The following NGF variants were observed in gnomAD, a reference collection of about 807,000 sequenced individuals.
NGF encodes the protein nerve growth factor.
Under a neutral mutation model 12.8 loss-of-function variants are expected in NGF, and 4 were observed. The ratio of observed to expected loss-of-function variants is 0.31; its 90% CI spans 0.15 to 0.72. The LOEUF is 0.72. Among genes scored for constraint, NGF ranks in the 30% least tolerant of loss-of-function variants. The pLI, the probability that NGF is intolerant of heterozygous loss-of-function variation, is 0.69. For missense variants in NGF, 283 were observed against 330.8 expected, an observed-to-expected ratio of 0.86 and a Z score of 1.12; for synonymous variants, 140 against 130.0, an observed-to-expected ratio of 1.08 and a Z score of -0.52.
At chr1:115,311,084 C>T (rs1654323996) in intron 1 of NGF, among the ~76,000 whole-genome samples, 1 of 152,172 alleles carries the variant, frequency 6.6e-6, no homozygotes. Context: ...TGTCCCAAGC[C>T]ACATAGGCTA....
chr1:115,321,738 G>A (rs970209839), intron 1 of NGF, among the ~76,000 whole-genome samples: 7 of 152,060 alleles, frequency 4.6e-5, no homozygotes, highest in Non-Finnish European at 1.0e-4. Flanking sequence ...AAAAGAATCT[G>A]CCTGACAGCC....
intron 1 of NGF, among the ~76,000 whole-genome samples, chr1:115,308,907 C>T (rs1023667563): frequency 6.6e-5 from 10 of 151,836 alleles, no homozygotes; most frequent in African/African-American, 2.2e-4. Flanking sequence ...TTTCATTCTG[C>T]ATGATATTGG....
chr1:115,288,359 T>TC (rs1228885517), intron 2 of NGF, among the ~76,000 whole-genome samples: 4 of 152,164 alleles, frequency 2.6e-5, no homozygotes, highest in Admixed American at 6.5e-5. Context: ...GCCTTAGCGT[T>TC]CCCATTGATC....
In NGF at chr1:115,314,047, AC is replaced by A. The variant is rs1654405393; in HGVS notation, c.-136-20298del. Among the ~76,000 whole-genome samples the A allele has an allele frequency of 2.6e-5, 4 of 152,236 alleles. No individual in the cohort carries two copies. In the South Asian group the frequency reaches 8.3e-4, roughly 32 times the overall value. ...GGTCCTGAGGGTGGCATGGTGGAAGACCCCAGTCCATTACCTTAAACAAATG... is the reference window on the plus strand; with the variant it reads ...GGTCCTGAGGGTGGCATGGTGGAAGACCCAGTCCATTACCTTAAACAAATG... On this transcript the variant is annotated intron_variant, in intron 1 of 2. Coordinates refer to ENST00000369512, the MANE Select transcript of NGF (RefSeq NM_002506.3).
chr1:115,329,276 G>T (rs554978625), intron 1 of NGF, among the ~76,000 whole-genome samples: 13 of 151,526 alleles, frequency 8.6e-5, no homozygotes, highest in African/African-American at 3.2e-4. Context: ...GTACTTCACA[G>T]ATGTACTTCA....
intron 1 of NGF, among the ~76,000 whole-genome samples, chr1:115,337,722 G>A (rs907383518): frequency 6.6e-6 from 1 of 152,034 alleles, no homozygotes. Flanking sequence ...TGGGGGCCGC[G>A]CAGCACTTTC....
At chr1:115,337,250 T>C (rs1655134778) in intron 1 of NGF, among the ~76,000 whole-genome samples, 1 of 145,014 alleles carries the variant, frequency 6.9e-6, no homozygotes, top group Non-Finnish European at 1.5e-5. Flanking sequence ...TCTCGAAATT[T>C]TTTTTGTTTT....
intron 1 of NGF, among the ~76,000 whole-genome samples, chr1:115,322,124 G>C (rs1259712981): frequency 6.6e-6 from 1 of 152,136 alleles, no homozygotes; most frequent in African/African-American, 2.4e-5. Flanking sequence ...CCTACAATTT[G>C]CTTCTCCCCA....
At chr1:115,312,341 T>G (rs2101041456) in intron 1 of NGF, among the ~76,000 whole-genome samples, 1 of 152,298 alleles carries the variant, frequency 6.6e-6, no homozygotes, top group Middle Eastern at 3.4e-3. Flanking sequence ...CAACCAGTAT[T>G]CATTGGATGA....
chr1:115,291,474 C>T (rs1653693810), intron 2 of NGF, among the ~76,000 whole-genome samples: 1 of 152,188 alleles, frequency 6.6e-6, no homozygotes, highest in Non-Finnish European at 1.5e-5. Context: ...GAATGATCAG[C>T]TGAGGAGGAT....
At position 115,324,616 on chromosome 1, in the gene NGF, T is replaced by C. The variant is rs183651726; in HGVS notation, c.-137+13588A>G. 3.1e-3 allele frequency among the ~76,000 whole-genome samples: 479 copies of C among 152,280 alleles called. 3 individuals carry two copies. The highest frequency in any genetic ancestry group is 5.0e-3 in the Admixed American group (77 of 15,294). On this transcript the variant is annotated intron_variant, in intron 1 of 2. Transcript: ENST00000369512. ...CCCTTCAGCTTGGGTCTCTGTCCTA[T>C]CACAGATTAAAATCCACAGCTGTCT... is the stretch of plus-strand genomic sequence containing the variant.
chr1:115,308,614 A>C (rs1654263075), intron 1 of NGF, among the ~76,000 whole-genome samples: 1 of 152,248 alleles, frequency 6.6e-6, no homozygotes. Flanking sequence ...TGTTCAATTC[A>C]GTATGAATGA....
At chr1:115,323,577 A>G (rs76313589) in intron 1 of NGF, among the ~76,000 whole-genome samples, 4,703 of 152,308 alleles carry the variant, frequency 0.031, 114 homozygotes, top group East Asian at 0.051. Flanking sequence ...GGGAAAATCC[A>G]TATTTCTATG....
intron 1 of NGF, among the ~76,000 whole-genome samples, chr1:115,308,205 G>A (rs1206970621): frequency 1.3e-5 from 2 of 152,218 alleles, no homozygotes; most frequent in East Asian, 3.8e-4. Flanking sequence ...GCTGCAGAGA[G>A]GCTGTCTCAG....
intron 1 of NGF, among the ~76,000 whole-genome samples, chr1:115,294,478 G>T (rs1286891297): frequency 1.3e-5 from 2 of 152,238 alleles, no homozygotes; most frequent in African/African-American, 4.8e-5. Flanking sequence ...CTATGTGCCA[G>T]GCACTGTTTT....
In NGF at chr1:115,286,054, G is replaced by C. The variant is rs1323414238; in HGVS notation, c.*16C>G. 6.2e-7 allele frequency: 1 copy of C among 1,612,276 alleles called. No homozygotes were observed. Among genetic ancestry groups the C allele is most frequent in the East Asian group, 2.2e-5 (1 of 44,840 alleles). On this transcript the variant is annotated 3_prime_UTR_variant, in exon 3 of 3. Transcript: ENST00000369512. ...GAGAGTGTAGAAGGGGCAGGGGGAGGGAGCGTGTCGGCAGGTCAGGCTCTT... is the reference window on the plus strand; with the variant it reads ...GAGAGTGTAGAAGGGGCAGGGGGAGCGAGCGTGTCGGCAGGTCAGGCTCTT...
intron 1 of NGF, among the ~76,000 whole-genome samples, chr1:115,304,150 T>G (rs921285145): frequency 6.6e-6 from 1 of 151,920 alleles, no homozygotes; most frequent in Non-Finnish European, 1.5e-5. Flanking sequence ...CATTTATATA[T>G]AGATAGGTGC....
intron 1 of NGF, among the ~76,000 whole-genome samples, chr1:115,334,143 T>C (rs1655042513): frequency 6.6e-6 from 1 of 152,202 alleles, no homozygotes; most frequent in African/African-American, 2.4e-5. Flanking sequence ...CCTACTTTTT[T>C]TCAAGGAAAT....
chr1:115,312,594 C>T (rs1208185841), intron 1 of NGF, among the ~76,000 whole-genome samples: 1 of 152,134 alleles, frequency 6.6e-6, no homozygotes, highest in Non-Finnish European at 1.5e-5. Context: ...TTTTGCTTTA[C>T]CTTGACAGAT....
Sources: gnomAD v4.1 joint callset for allele counts (sites outside exome capture counted in the v4.1 genomes callset) on GRCh38, gnomAD v4.1.1 for gene constraint, MANE v1.5 for transcripts, NCBI Gene and HGNC (gene_info 2026-07-23, HGNC 2026-07-21) for gene names.